LPP: variants seen among roughly 807,000 people sequenced by gnomAD.
The protein encoded by LPP is LIM domain containing preferred translocation partner in lipoma, also known as lipoma-preferred partner.
In LPP, 38 loss-of-function variants were observed where a neutral mutation model predicts 60.4. The ratio of observed to expected loss-of-function variants is 0.63; its 90% confidence interval spans 0.49 to 0.83. The LOEUF (loss-of-function observed/expected upper bound fraction) is 0.83. Among genes scored for constraint, LPP ranks in the 40% least tolerant of loss-of-function variants. The probability of loss-of-function intolerance (pLI) is 0.00; values close to 1 mark genes in which losing one functional copy is unlikely to be tolerated. For synonymous variants in LPP, 328 were observed against 290.8 expected (o/e 1.13, Z -1.30); for missense variants, 902 against 783.6 (o/e 1.15, Z -1.80).
At chr3:188,577,242 A>T (rs966621791) in intron 6 of LPP, among the ~76,000 whole-genome samples, 2 of 152,174 alleles carry the variant, frequency 1.3e-5, no homozygotes, top group East Asian at 3.8e-4. Flanking sequence ...AAAAATCCTA[A>T]TTCTGTTATT....
chr3:188,305,277 C>T (rs1019327385), intron 2 of LPP, among the ~76,000 whole-genome samples: 2 of 152,180 alleles, frequency 1.3e-5, no homozygotes, highest in African/African-American at 2.4e-5. Flanking sequence ...TGTTATTTTG[C>T]AGCCCTCAAG....
At chr3:188,346,249 A>ATT (rs1764321005) in intron 3 of LPP, among the ~76,000 whole-genome samples, 1 of 124,226 alleles carries the variant, frequency 8.0e-6, no homozygotes, top group Non-Finnish European at 1.6e-5. Context: ...AAAGTAGCAA[A>ATT]TCTTTTTTTT....
At chr3:188,220,592 G>C (rs889563349) in intron 1 of LPP, among the ~76,000 whole-genome samples, 5 of 152,238 alleles carry the variant, frequency 3.3e-5, no homozygotes, top group African/African-American at 1.2e-4. Context: ...CAGGCACATA[G>C]AGTACAAGCT....
intron 5 of LPP, 21 bp from the exon 6 acceptor site, chr3:188,524,644 T>C: frequency 6.2e-7 from 1 of 1,606,432 alleles, no homozygotes; most frequent in Non-Finnish European, 8.5e-7. Flanking sequence ...TTTGTTAACA[T>C]GTCTGTGTTG....
chr3:188,374,744 T>C (rs1390594376), intron 3 of LPP, among the ~76,000 whole-genome samples: 1 of 152,146 alleles, frequency 6.6e-6, no homozygotes, highest in Non-Finnish European at 1.5e-5. Context: ...CAACACTACG[T>C]TGAATAGGAG....
Position 188,746,937 on chromosome 3 carries a change from T to A in LPP, c.1241-13176T>A, listed in dbSNP as rs74743637. Among the ~76,000 whole-genome samples the A allele has an allele frequency of 5.0e-3, 763 of 152,300 alleles. 1 individual carries two copies. Among genetic ancestry groups the A allele is most frequent in the South Asian group, 0.014 (68 of 4,828 alleles). ...TGCCCAGAAACCACCACAGAGTGGA[T>A]TTTCCTTACCCTCAATCTGCCTTCA... On this transcript the variant is annotated intron_variant, in intron 8 of 11. Transcript: ENST00000617246.
In LPP at chr3:188,202,304, C is replaced by G. The variant is rs570409534; in HGVS notation, c.-189-23101C>G. On this transcript the variant is annotated intron_variant, in intron 1 of 11. Transcript: ENST00000617246. ...AGGATCCTGTGGTTCTGGGAGGGCCCTGGCAGCCAGCATTTGGACTTTTAG... is the reference window on the plus strand; with the variant it reads ...AGGATCCTGTGGTTCTGGGAGGGCCGTGGCAGCCAGCATTTGGACTTTTAG... Among the ~76,000 whole-genome samples the G allele has an allele frequency of 5.3e-5, 8 of 152,232 alleles. No individual in the cohort carries two copies. The South Asian group carries it at 1.7e-3, about 32-fold the overall frequency.
chr3:188,756,094 G>C (rs1489974607), intron 8 of LPP, among the ~76,000 whole-genome samples: 1 of 152,162 alleles, frequency 6.6e-6, no homozygotes, highest in Non-Finnish European at 1.5e-5. Flanking sequence ...CCTTTGAAAG[G>C]AAGGGTGATT....
At chr3:188,362,721 G>T (rs1317000049) in intron 3 of LPP, among the ~76,000 whole-genome samples, 2 of 152,188 alleles carry the variant, frequency 1.3e-5, no homozygotes, top group Non-Finnish European at 2.9e-5. Context: ...CATTGTGGCC[G>T]AGTAGAGATA....
chr3:188,869,104 G>A (rs1462416464), intron 10 of LPP, among the ~76,000 whole-genome samples: 2 of 152,100 alleles, frequency 1.3e-5, no homozygotes, highest in Non-Finnish European at 2.9e-5. Context: ...GGAGATTCCT[G>A]GCAGAGGGAA....
intron 3 of LPP, among the ~76,000 whole-genome samples, chr3:188,395,406 T>C (rs1560346970): frequency 6.6e-6 from 1 of 150,500 alleles, no homozygotes. Context: ...AAATTATTAT[T>C]ATTTTTTTTT....
intron 2 of LPP, among the ~76,000 whole-genome samples, chr3:188,332,058 C>A (rs1215217079): frequency 6.6e-6 from 1 of 150,868 alleles, no homozygotes; most frequent in African/African-American, 2.4e-5. Context: ...TTCAAGAGTT[C>A]TTCCCTCCTC....
At chr3:188,655,033 T>C (rs1364387536) in intron 7 of LPP, among the ~76,000 whole-genome samples, 2 of 152,180 alleles carry the variant, frequency 1.3e-5, no homozygotes, top group Non-Finnish European at 2.9e-5. Context: ...TAAAATAAAA[T>C]GGCACCAGTT....
intron 1 of LPP, among the ~76,000 whole-genome samples, chr3:188,211,055 G>A (rs1338196451): frequency 6.6e-6 from 1 of 152,142 alleles, no homozygotes; most frequent in Non-Finnish European, 1.5e-5. Context: ...CTTACGGCAT[G>A]CTTGTTAAGT....
Position 188,635,719 on chromosome 3 carries a change from A to G in LPP, c.1113+25875A>G, listed in dbSNP as rs1483018504. Among the ~76,000 whole-genome samples the G allele has an allele frequency of 2.6e-5, 4 of 152,194 alleles. No homozygotes were observed. In the South Asian group the frequency reaches 6.2e-4, roughly 24 times the overall value. ...ATGTCCTGGGGTGTGGGAGAATGAT[A>G]TGTTCTTTAGTCGAGTTTAAATGAG... is the stretch of plus-strand genomic sequence containing the variant. On this transcript the variant is annotated intron_variant, in intron 7 of 11. Coordinates refer to ENST00000617246, the MANE Select transcript of LPP (RefSeq NM_001375462.1).
At chr3:188,327,308 A>G (rs1758697324) in intron 2 of LPP, among the ~76,000 whole-genome samples, 1 of 152,152 alleles carries the variant, frequency 6.6e-6, no homozygotes, top group African/African-American at 2.4e-5. Flanking sequence ...TTTCGTGAAC[A>G]TTGCCAAAAG....
At chr3:188,831,018 A>C (rs904703511) in intron 9 of LPP, among the ~76,000 whole-genome samples, 1 of 152,154 alleles carries the variant, frequency 6.6e-6, no homozygotes, top group Admixed American at 6.5e-5. Flanking sequence ...TGGATTATTA[A>C]ATTGAGTAAT....
chr3:188,356,271 A>T (rs1767588929), intron 3 of LPP, among the ~76,000 whole-genome samples: 1 of 152,218 alleles, frequency 6.6e-6, no homozygotes, highest in African/African-American at 2.4e-5. Flanking sequence ...AAAGGGCAAC[A>T]TAGTTTCTTT....
intron 4 of LPP, among the ~76,000 whole-genome samples, chr3:188,479,901 C>T (rs186302147): frequency 6.7e-4 from 102 of 152,294 alleles, no homozygotes; most frequent in Non-Finnish European, 7.6e-4. Context: ...CCACAATTAC[C>T]CATAACTAGT....
Sources: allele counts gnomAD v4.1 joint callset (sites outside exome capture counted in the v4.1 genomes callset), GRCh38; gene constraint gnomAD v4.1.1; transcripts MANE v1.5; gene names NCBI Gene and HGNC (gene_info 2026-07-23, HGNC 2026-07-21).